HNRNPM: variants seen among roughly 807,000 people sequenced by gnomAD.
HNRNPM encodes CEA receptor.
Under a neutral mutation model 73.1 loss-of-function variants are expected in HNRNPM, and 11 were observed. That is an observed-to-expected ratio of 0.15 (90% CI 0.09 to 0.25). The LOEUF (loss-of-function observed/expected upper bound fraction) is 0.25. Among genes scored for constraint, HNRNPM ranks in the 10% least tolerant of loss-of-function variants. The pLI is 1.00. For missense variants in HNRNPM, 789 were observed against 1,067.9 expected (o/e 0.74, Z 3.64); for synonymous variants, 407 against 355.2 (o/e 1.15, Z -1.64).
chr19:8,474,743 C>A (rs1402987962), intron 12 of HNRNPM, among the ~76,000 whole-genome samples: 1 of 142,976 alleles, frequency 7.0e-6, no homozygotes, highest in African/African-American at 2.6e-5. Flanking sequence ...GAGACAGGGT[C>A]TCACTCTGTC....
chr19:8,451,060 C>G (rs1352664205), intron 1 of HNRNPM, among the ~76,000 whole-genome samples: 2 of 152,174 alleles, frequency 1.3e-5, no homozygotes, highest in Admixed American at 6.5e-5. Flanking sequence ...GCGCCTGCCA[C>G]CACGCCCAGC....
chr19:8,455,385 T>C lies in HNRNPM; in HGVS notation c.114-20T>C. On this transcript the variant is annotated intron_variant, in intron 1 of 15. Transcript: ENST00000325495. Reference sequence around the variant, plus strand: ...TGACATATAAACCCTTTACCTTTTTTTCCTCTCTCTCGAATTCAGTGAAGG... The same window carrying C: ...TGACATATAAACCCTTTACCTTTTTCTCCTCTCTCTCGAATTCAGTGAAGG... 1 of 1,599,580 alleles carries C rather than the reference T, an allele frequency of 6.3e-7. No individual in the cohort carries two copies. Among genetic ancestry groups the C allele is most frequent in the Non-Finnish European group, 8.5e-7 (1 of 1,173,308 alleles).
At chr19:8,453,809 C>G (rs1201605102) in intron 1 of HNRNPM, among the ~76,000 whole-genome samples, 1 of 152,212 alleles carries the variant, frequency 6.6e-6, no homozygotes, top group African/African-American at 2.4e-5. Flanking sequence ...GAGCTGGCAG[C>G]TGAGGAAAGC....
intron 9 of HNRNPM, 74 bp from the exon 10 acceptor site, chr19:8,471,252 A>G (rs986649052): frequency 3.3e-6 from 3 of 914,812 alleles, no homozygotes; most frequent in Admixed American, 2.8e-5. Flanking sequence ...GCAACTCACT[A>G]AACACTCTTT....
In HNRNPM at chr19:8,485,983, G is replaced by T. The variant is rs1971261924; in HGVS notation, c.1555G>T (p.Gly519Cys). The T allele has an allele frequency of 6.2e-7, 1 of 1,603,194 alleles. No individual in the cohort carries two copies. The highest frequency in any genetic ancestry group is 8.5e-7 in the Non-Finnish European group (1 of 1,176,248). The change falls in exon 14 of 16, where the codon GGC becomes TGC. Residue 519 changes from glycine (G) to cysteine (C), a missense_variant. By Grantham distance (159) the Gly-to-Cys change is radical (BLOSUM62 -3). Transcript: ENST00000325495. The part of the protein sequence containing the change: ...ERMGSGVERM[G>C]PAIERMGLSM... Reference sequence around the variant, plus strand: ...CATGGGCTCTGGCGTGGAGCGCATGGGCCCTGCCATCGAGCGCATGGGCCT... The same window carrying T: ...CATGGGCTCTGGCGTGGAGCGCATGTGCCCTGCCATCGAGCGCATGGGCCT...
chr19:8,463,830 A>G (rs888672052), intron 5 of HNRNPM, 144 bp downstream of exon 5: 11 of 608,456 alleles, frequency 1.8e-5, no homozygotes, highest in Non-Finnish European at 3.2e-5. Context: ...TGTCGGTCAT[A>G]GCCTACAGCA....
In HNRNPM at chr19:8,488,759, G is replaced by A. The variant is rs768318878; in HGVS notation, c.2098G>A (p.Glu700Lys). Residue 700 changes from glutamate to lysine, a missense_variant, in exon 16 of 16, where the codon GAG becomes AAG. This residue lies in a region of HNRNPM where 43 missense variants were observed against 105.8 expected (regional missense o/e 0.41). Coordinates refer to ENST00000325495, the MANE Select transcript of HNRNPM (RefSeq NM_005968.5). The part of the protein sequence containing the change: ...KSKGCGVVKF[E>K]SPEVAERACR... ...CAAGGGGTGTGGCGTGGTTAAGTTC[G>A]AGTCGCCAGAGGTGGCCGAGAGAGC... The A allele has an allele frequency of 1.2e-6, 2 of 1,614,164 alleles. No homozygotes were observed. The highest frequency in any genetic ancestry group is 1.7e-6 in the Non-Finnish European group (2 of 1,180,014).
At chr19:8,472,105 A>G (rs969249889) in intron 10 of HNRNPM, among the ~76,000 whole-genome samples, 6 of 141,760 alleles carry the variant, frequency 4.2e-5, no homozygotes, top group Non-Finnish European at 7.6e-5. Context: ...CGGGAGGCGG[A>G]GGTTGCAGTG....
chr19:8,482,084 C>T (rs539152540), intron 12 of HNRNPM, among the ~76,000 whole-genome samples: 22 of 151,900 alleles, frequency 1.4e-4, no homozygotes, highest in African/African-American at 3.6e-4. Flanking sequence ...GCGATTCTCC[C>T]GCCTCAGCCT....
In HNRNPM at chr19:8,485,620, G is replaced by T; in HGVS notation, c.1192G>T (p.Val398Phe). 1 of 1,601,088 alleles carries T rather than the reference G, an allele frequency of 6.2e-7. No individual in the cohort carries two copies. The highest frequency in any genetic ancestry group is 1.1e-5 in the South Asian group (1 of 90,928). The part of the protein sequence containing the change: ...KQGGGGGGGS[V>F]PGIERMGPGI... ...TGTTTCAGGTGGAGGTGGAGGAAGC[G>T]TCCCTGGGATCGAGAGGATGGGTCC... The change falls in exon 14 of 16, where the codon GTC becomes TTC. Residue 398 changes from valine to phenylalanine, a missense_variant. This residue lies in a region of HNRNPM where 604 missense variants were observed against 744.0 expected (regional missense o/e 0.81). Coordinates refer to ENST00000325495, the MANE Select transcript of HNRNPM (RefSeq NM_005968.5).
intron 5 of HNRNPM, 93 bp downstream of exon 5, chr19:8,463,779 A>G: frequency 1.2e-6 from 1 of 829,568 alleles, no homozygotes; most frequent in Non-Finnish European, 1.9e-6. Flanking sequence ...CCCAGACGGC[A>G]TTTACAAAGC....
At position 8,488,882 on chromosome 19, in the gene HNRNPM, G is replaced by A. The variant is rs751099556; in HGVS notation, c.*28G>A. On this transcript the variant is annotated 3_prime_UTR_variant, in exon 16 of 16. Transcript: ENST00000325495. ...AGTTGCCTTTTTTAAACATCGATAC[G>A]AGACCTCTGAATTTGTATTTTTTCT... is the stretch of plus-strand genomic sequence containing the variant. 7 of 1,566,842 alleles carry A rather than the reference G, an allele frequency of 4.5e-6. No homozygotes were observed. The highest frequency in any genetic ancestry group is 3.6e-5 in the Admixed American group (2 of 55,944).
Position 8,444,995 on chromosome 19 carries a change from GA to G in HNRNPM, c.1del, listed in dbSNP as rs1225216669. 2.8e-6 allele frequency: 4 copies of G among 1,411,440 alleles called. No individual in the cohort carries two copies. Among genetic ancestry groups the G allele is most frequent in the Middle Eastern group, 2.0e-4 (1 of 4,996 alleles). 87.4% of individuals were successfully genotyped at this position (1,411,440 alleles called of 1,614,324 possible). A position where few individuals can be genotyped will look rare whatever the true frequency, so the allele number is the denominator to read the frequency against. On this transcript the variant is annotated 5_prime_UTR_variant, in exon 1 of 16. Transcript: ENST00000325495. The stretch of plus-strand genomic sequence containing the variant: ...CGCTCACACAAAGCCCAGACGCGGA[GA>G]AAATGGCGGCAGGGGTCGAAGCGGC...
chr19:8,456,769 G>C (rs1270911911), intron 2 of HNRNPM, among the ~76,000 whole-genome samples: 1 of 152,190 alleles, frequency 6.6e-6, no homozygotes, highest in Non-Finnish European at 1.5e-5. Context: ...CACGCGTGCT[G>C]CTCCCACGTG....
intron 9 of HNRNPM, among the ~76,000 whole-genome samples, chr19:8,469,046 A>T (rs1228562689): frequency 6.6e-6 from 1 of 152,194 alleles, no homozygotes; most frequent in African/African-American, 2.4e-5. Context: ...CTAGGATTGT[A>T]ATACCAGGAT....
chr19:8,463,696 T>C lies in HNRNPM; in HGVS notation c.438+10T>C, dbSNP rs1969544240. On this transcript the variant is annotated intron_variant, in intron 5 of 15. Transcript: ENST00000325495. ...ACTGAAAGTCAAAGAAGTAAGCTCT[T>C]GCTTAACACTGCGGATACTGTGTGT... 6.5e-7 allele frequency: 1 copy of C among 1,541,542 alleles called. No homozygotes were observed.
At chr19:8,473,112 G>T (rs1970266964) in intron 10 of HNRNPM, among the ~76,000 whole-genome samples, 1 of 152,092 alleles carries the variant, frequency 6.6e-6, no homozygotes, top group Non-Finnish European at 1.5e-5. Flanking sequence ...TCAGCCAGGT[G>T]TGGTGGCGTA....
Position 8,486,159 on chromosome 19 carries a change from G to A in HNRNPM, c.1731G>A (p.Glu577=), listed in dbSNP as rs771934837. ...GLERMGANSL[E]RMGLERMGAN... ...AGCGCATGGGCGCCAACAGCCTCGA[G>A]CGCATGGGCCTGGAGCGCATGGGTG... The change falls in exon 14 of 16, where the codon GAG becomes GAA. Residue 577 remains glutamate, a synonymous_variant. Coordinates refer to ENST00000325495, the MANE Select transcript of HNRNPM (RefSeq NM_005968.5). 4 of 1,606,284 alleles carry A rather than the reference G, an allele frequency of 2.5e-6. No individual in the cohort carries two copies. The Admixed American group carries it at 6.7e-5, about 27-fold the overall frequency.
At chr19:8,467,489 T>G (rs767194287) in intron 7 of HNRNPM, 46 bp from the exon 8 acceptor site, 2 of 1,434,876 alleles carry the variant, frequency 1.4e-6, no homozygotes, top group Non-Finnish European at 9.8e-7. Flanking sequence ...ATTTCTCTTG[T>G]GCACATTTTT....
Sources: gnomAD v4.1 joint callset for allele counts (sites outside exome capture counted in the v4.1 genomes callset) on GRCh38, gnomAD v4.1.1 for gene constraint, gnomAD v4.1.1 regional missense constraint, MANE v1.5 for transcripts, NCBI Gene and HGNC (gene_info 2026-07-23, HGNC 2026-07-21) for gene names.